The following LONP2 variants were observed in gnomAD, a reference collection of about 807,000 sequenced individuals.
LONP2 encodes lon peptidase 2, peroxisomal.
Under a neutral mutation model 85.6 loss-of-function variants are expected in LONP2, and 60 were observed. The ratio of observed to expected loss-of-function variants is 0.70; its 90% CI spans 0.57 to 0.87. LONP2 has a LOEUF of 0.87. Among genes scored for constraint, LONP2 ranks in the 40% least tolerant of loss-of-function variants. The pLI, the probability that LONP2 is intolerant of heterozygous loss-of-function variation, is 0.00. For missense variants in LONP2, 860 were observed against 1,063.5 expected (o/e 0.81, Z 2.66); for synonymous variants, 395 against 389.7 (o/e 1.01, Z -0.16).
At chr16:48,251,997 T>C in intron 1 of LONP2, 134 bp from the exon 2 acceptor site, 1 of 623,228 alleles carries the variant, frequency 1.6e-6, no homozygotes, top group Non-Finnish European at 2.5e-6. Flanking sequence ...CTAAGTTAAA[T>C]AGAGAAAAAA....
chr16:48,271,042 C>T (rs185185967), intron 7 of LONP2, among the ~76,000 whole-genome samples: 1 of 152,134 alleles, frequency 6.6e-6, no homozygotes. Context: ...TATGCAGGCA[C>T]AGTGGCATGC....
At chr16:48,318,554 A>G (rs1055112259) in intron 11 of LONP2, among the ~76,000 whole-genome samples, 3 of 152,160 alleles carry the variant, frequency 2.0e-5, no homozygotes, top group African/African-American at 7.2e-5. Context: ...TCAAAATAAA[A>G]TATTTGAATT....
At chr16:48,336,053 T>C (rs1959639260) in intron 12 of LONP2, among the ~76,000 whole-genome samples, 1 of 152,218 alleles carries the variant, frequency 6.6e-6, no homozygotes, top group African/African-American at 2.4e-5. Context: ...CCTTTTTCTG[T>C]AGGCTTACCA....
At chr16:48,307,877 A>G (rs1972944314) in intron 11 of LONP2, among the ~76,000 whole-genome samples, 1 of 152,208 alleles carries the variant, frequency 6.6e-6, no homozygotes, top group African/African-American at 2.4e-5. Context: ...GCTAGCTTAT[A>G]AGGTGAGACC....
chr16:48,256,523 A>T (rs1567309643), intron 2 of LONP2, 87 bp from the exon 3 acceptor site: 1 of 1,415,284 alleles, frequency 7.1e-7, no homozygotes, highest in East Asian at 2.3e-5. Flanking sequence ...CTGAGGCCCA[A>T]ACATTAAACC....
intron 9 of LONP2, among the ~76,000 whole-genome samples, chr16:48,296,942 T>G (rs963287496): frequency 6.6e-6 from 1 of 152,196 alleles, no homozygotes; most frequent in Non-Finnish European, 1.5e-5. Flanking sequence ...CTCAGAATTG[T>G]TTTTCCCTGG....
At chr16:48,286,577 A>G (rs1476487362) in intron 8 of LONP2, among the ~76,000 whole-genome samples, 2 of 151,910 alleles carry the variant, frequency 1.3e-5, no homozygotes, top group African/African-American at 2.4e-5. Context: ...CTCATGGCTC[A>G]TGGCAGCCTT....
At chr16:48,323,313 G>A (rs1262981566) in intron 11 of LONP2, among the ~76,000 whole-genome samples, 2 of 152,136 alleles carry the variant, frequency 1.3e-5, no homozygotes, top group Non-Finnish European at 2.9e-5. Flanking sequence ...AATGTTTGCA[G>A]ATACCCTTTT....
intron 1 of LONP2, among the ~76,000 whole-genome samples, chr16:48,244,999 C>G (rs947544580): frequency 2.0e-5 from 3 of 152,166 alleles, no homozygotes; most frequent in Non-Finnish European, 4.4e-5. Context: ...CTTGCCTTCG[C>G]TTTTCACCTT....
At chr16:48,303,012 TAAC>T (rs1344902442) in intron 10 of LONP2, among the ~76,000 whole-genome samples, 157 bp from the exon 11 acceptor site, 1 of 152,124 alleles carries the variant, frequency 6.6e-6, no homozygotes, top group Non-Finnish European at 1.5e-5. Context: ...ATTGAAGAAA[TAAC>T]AATAATGAGG....
intron 1 of LONP2, among the ~76,000 whole-genome samples, chr16:48,251,403 T>C (rs1016308251): frequency 1.3e-5 from 2 of 152,204 alleles, no homozygotes; most frequent in Admixed American, 6.5e-5. Flanking sequence ...TATATGTGAC[T>C]TGATCAGAGT....
At chr16:48,292,038 A>G (rs1054135970) in intron 8 of LONP2, among the ~76,000 whole-genome samples, 1 of 152,214 alleles carries the variant, frequency 6.6e-6, no homozygotes, top group Non-Finnish European at 1.5e-5. Context: ...TAGACAAGAG[A>G]CAAACGGTTG....
downstream of LONP2, among the ~76,000 whole-genome samples, chr16:48,358,211 A>G (rs1291639854): frequency 2.6e-5 from 4 of 152,232 alleles, no homozygotes; most frequent in African/African-American, 9.6e-5. Context: ...GTACTACCTT[A>G]ATTTGCTTAA....
At chr16:48,327,187 C>G (rs897875649) in intron 11 of LONP2, among the ~76,000 whole-genome samples, 2 of 152,184 alleles carry the variant, frequency 1.3e-5, no homozygotes, top group African/African-American at 4.8e-5. Flanking sequence ...CCCCAACTAT[C>G]TTGGCAATGT....
chr16:48,285,997 T>C (rs1383209265), intron 8 of LONP2, among the ~76,000 whole-genome samples: 2 of 152,210 alleles, frequency 1.3e-5, no homozygotes, highest in African/African-American at 4.8e-5. Context: ...TCTGTTTCTA[T>C]GAGTGACTAC....
intron 8 of LONP2, among the ~76,000 whole-genome samples, chr16:48,285,148 C>T (rs908566528): frequency 1.3e-5 from 2 of 150,626 alleles, no homozygotes. Flanking sequence ...TGCTTTCAGC[C>T]CTTTCGCATG....
intron 11 of LONP2, among the ~76,000 whole-genome samples, chr16:48,317,094 T>C (rs1257565879): frequency 6.6e-6 from 1 of 152,190 alleles, no homozygotes; most frequent in Non-Finnish European, 1.5e-5. Flanking sequence ...GTAGTTCTTA[T>C]TCCTTCGTGG....
intron 14 of LONP2, among the ~76,000 whole-genome samples, chr16:48,350,046 G>A (rs562790679): frequency 8.5e-5 from 13 of 152,146 alleles, no homozygotes; most frequent in African/African-American, 2.9e-4. Context: ...AAGTCCAGGA[G>A]TTCAAGACCA....
chr16:48,332,449 C>T (rs1959482978), intron 11 of LONP2, among the ~76,000 whole-genome samples: 1 of 152,094 alleles, frequency 6.6e-6, no homozygotes. Flanking sequence ...CAGTGGCTCA[C>T]ACCTGTAATC....
Sources: allele counts gnomAD v4.1 joint callset (sites outside exome capture counted in the v4.1 genomes callset), GRCh38; gene constraint gnomAD v4.1.1; transcripts MANE v1.5; gene names NCBI Gene and HGNC (gene_info 2026-07-23, HGNC 2026-07-21).